The following TRPM2 variants were observed in gnomAD, a reference collection of about 807,000 sequenced individuals.
TRPM2 encodes the protein estrogen-responsive element-associated gene 1 protein.
Under a neutral mutation model 174.0 loss-of-function variants are expected in TRPM2, and 161 were observed. The ratio of observed to expected loss-of-function variants is 0.93; its 90% CI spans 0.81 to 1.05. The LOEUF (loss-of-function observed/expected upper bound fraction) is 1.05. Among genes scored for constraint, TRPM2 ranks in the 50% least tolerant of loss-of-function variants. The probability of loss-of-function intolerance (pLI) is 0.00; values close to 1 mark genes in which losing one functional copy is unlikely to be tolerated. For synonymous variants in TRPM2, 954 were observed against 861.3 expected (o/e 1.11, Z -1.88); for missense variants, 2,057 against 2,038.0 (o/e 1.01, Z -0.18).
intron 9 of TRPM2, among the ~76,000 whole-genome samples, chr21:44,389,048 C>T (rs750284554): frequency 5.3e-5 from 8 of 152,186 alleles, no homozygotes; most frequent in Non-Finnish European, 1.0e-4. Context: ...CTCCCCTATC[C>T]TGAATATTCC....
At chr21:44,397,507 C>T (rs1223416459) in intron 12 of TRPM2, among the ~76,000 whole-genome samples, 1 of 152,200 alleles carries the variant, frequency 6.6e-6, no homozygotes, top group Non-Finnish European at 1.5e-5. Context: ...GTCCGTCAGG[C>T]TTTGCAGGGC....
rs774096195 is a variant in TRPM2, at chr21:44,364,229, A to G, written c.370A>G (p.Thr124Ala). The change falls in exon 3 of 32, where the codon ACC becomes GCC. Residue 124 changes from threonine (T) to alanine (A), a missense_variant. Coordinates refer to ENST00000397928, the MANE Select transcript of TRPM2 (RefSeq NM_003307.4). ...DPKKHVQEMP[T>A]DAFGDIVFTG... ...AAAGAAACATGTCCAGGAGATGCCA[A>G]CCGATGCCTTTGGCGACATCGTCTT... is the stretch of plus-strand genomic sequence containing the variant. 7 of 1,614,246 alleles carry G rather than the reference A, an allele frequency of 4.3e-6. No homozygotes were observed. The highest frequency in any genetic ancestry group is 5.9e-6 in the Non-Finnish European group (7 of 1,180,050).
Position 44,439,694 on chromosome 21 carries a change from C to T in TRPM2, c.4269+526C>T, listed in dbSNP as rs1256042010. Among the ~76,000 whole-genome samples, 1 of 152,186 alleles carries T rather than the reference C, an allele frequency of 6.6e-6. No homozygotes were observed. The highest frequency in any genetic ancestry group is 2.4e-5 in the African/African-American group (1 of 41,456). ...CCTTAGAAAGCCTCCATCTCCAGCTCTCTCACACAAATGCATGCACACTTT... is the reference window on the plus strand; with the variant it reads ...CCTTAGAAAGCCTCCATCTCCAGCTTTCTCACACAAATGCATGCACACTTT... On this transcript the variant is annotated intron_variant, in intron 30 of 31. Coordinates refer to ENST00000397928, the MANE Select transcript of TRPM2 (RefSeq NM_003307.4). The surrounding 1 kb of genome is among the most constrained non-coding windows in gnomAD (Gnocchi z 5.1).
chr21:44,415,526 C>A (rs760807872), intron 20 of TRPM2: 2 of 152,396 alleles, frequency 1.3e-5, no homozygotes, highest in Middle Eastern at 6.8e-3. Context: ...GGGAGGAGCA[C>A]AGCCCTGCCG....
intron 2 of TRPM2, among the ~76,000 whole-genome samples, chr21:44,362,365 A>AAAAAAAAAAAAG (rs1201529326): frequency 6.9e-6 from 1 of 144,300 alleles, no homozygotes; most frequent in Non-Finnish European, 1.5e-5. Flanking sequence ...AAAAAAAAAA[A>AAAAAAAAAAAAG]GCCAGATGTG....
At chr21:44,352,188 T>C (rs1434436434), upstream of TRPM2, among the ~76,000 whole-genome samples, 4 of 152,206 alleles carry the variant, frequency 2.6e-5, no homozygotes, top group Admixed American at 6.5e-5. Flanking sequence ...CGGGGACAGC[T>C]CATGGCCCTG....
Position 44,427,035 on chromosome 21 carries a change from C to T in TRPM2, c.3898C>T (p.Gln1300Ter). 6.2e-7 allele frequency: 1 copy of T among 1,605,946 alleles called. No individual in the cohort carries two copies. The highest frequency in any genetic ancestry group is 8.5e-7 in the Non-Finnish European group (1 of 1,177,176). Residue 1300 changes from glutamine to a stop codon, truncating the protein, a stop_gained, in exon 27 of 32, where the codon CAG becomes TAG. Transcript: ENST00000397928. LOFTEE classifies it high-confidence loss of function. Reference protein sequence around the residue: ...GDTLEPLSTIQYNVVDGLRDR... With the variant: ...GDTLEPLSTI ...CACCCTGGAGCCACTGTCCACGATC[C>T]AGTACAACGTGGTGGATGGCCTGAG...
At chr21:44,413,287 G>T (rs2050166689) in intron 19 of TRPM2, among the ~76,000 whole-genome samples, 1 of 145,100 alleles carries the variant, frequency 6.9e-6, no homozygotes, top group Non-Finnish European at 1.5e-5. Context: ...TGCCCAGGCT[G>T]GAGTGCAATG....
At chr21:44,436,990 A>T in intron 28 of TRPM2, 72 bp from the exon 29 acceptor site, 1 of 1,394,148 alleles carries the variant, frequency 7.2e-7, no homozygotes, top group South Asian at 1.2e-5. Context: ...AGGCAGGGCC[A>T]GCCCCGCCGC....
chr21:44,408,246 C>T (rs751391328), intron 19 of TRPM2, among the ~76,000 whole-genome samples: 3 of 152,082 alleles, frequency 2.0e-5, no homozygotes, highest in African/African-American at 4.8e-5. Context: ...CGCGCAGGGC[C>T]GTTTCCACTT....
rs375351173 is a variant in TRPM2, at chr21:44,395,519, C to T, written c.1900C>T (p.Arg634Cys). 3.3e-5 allele frequency: 53 copies of T among 1,613,050 alleles called. No homozygotes were observed. Among genetic ancestry groups the T allele is most frequent in the African/African-American group, 9.3e-5 (7 of 75,042 alleles). The change falls in exon 12 of 32, where the codon CGT (arginine) becomes TGT (cysteine). Residue 634 changes from arginine (R) to cysteine (C), a missense_variant. Arg to Cys is a radical substitution (Grantham distance 180, BLOSUM62 -3). Transcript: ENST00000397928. ...DLLIWAIVQN[R>C]RELAGIIWAQ... ...TCTCATTTGGGCCATTGTCCAGAACCGTCGGGAGCTGGCAGGAATCATCTG... is the reference window on the plus strand; with the variant it reads ...TCTCATTTGGGCCATTGTCCAGAACTGTCGGGAGCTGGCAGGAATCATCTG...
Position 44,438,258 on chromosome 21 carries a change from T to C in TRPM2, c.4168-809T>C, listed in dbSNP as rs8131919. Among the ~76,000 whole-genome samples the C allele has an allele frequency of 0.74, 112,223 of 152,172 alleles. 42,801 individuals are homozygous for C. The highest frequency in any genetic ancestry group is 0.86 in the East Asian group (4,450 of 5,154). The stretch of plus-strand genomic sequence containing the variant: ...AGTAGCTTCTCTGCCTGTGCACACC[T>C]GGCCCTGGAACACGAGTCACCCTCC... On this transcript the variant is annotated intron_variant, in intron 29 of 31. Transcript: ENST00000397928. This position sits in a 1 kb window ranked among gnomAD's most constrained non-coding sequence, Gnocchi z 5.9.
At chr21:44,379,668 TG>T (rs2048818659) in intron 8 of TRPM2, among the ~76,000 whole-genome samples, 1 of 152,112 alleles carries the variant, frequency 6.6e-6, no homozygotes, top group Non-Finnish European at 1.5e-5. Context: ...GGGTAGATTT[TG>T]GGTGGCCCCT....
chr21:44,350,343 G>T, upstream of TRPM2: 2 of 150,838 alleles, frequency 1.3e-5, no homozygotes, highest in South Asian at 3.8e-4. Context: ...GCCGTCCCGG[G>T]AGCTTGTGAA....
chr21:44,369,076 G>T, intron 4 of TRPM2, 101 bp from the exon 5 acceptor site: 1 of 1,263,682 alleles, frequency 7.9e-7, no homozygotes, highest in Non-Finnish European at 1.1e-6. Context: ...CGTTGTTGGG[G>T]GCGGGGCATC....
Position 44,369,291 on chromosome 21 carries a change from G to A in TRPM2, c.719G>A (p.Gly240Glu). ...AAGGAAGGCGAGCTCATCACCATCG[G>A]AGTCGCCACCTGGGGCACTGTCCAC... The part of the protein sequence containing the change: ...SYKEGELITI[G>E]VATWGTVHRR... Residue 240 changes from glycine to glutamate, a missense_variant, in exon 5 of 32, where the codon GGA (glycine) becomes GAA (glutamate). By Grantham distance (98) the Gly-to-Glu change is moderately conservative. Transcript: ENST00000397928. The A allele has an allele frequency of 6.2e-7, 1 of 1,613,778 alleles. No individual in the cohort carries two copies. Among genetic ancestry groups the A allele is most frequent in the South Asian group, 1.1e-5 (1 of 91,074 alleles).
At chr21:44,371,190 C>T (rs2048530275) in intron 5 of TRPM2, among the ~76,000 whole-genome samples, 1 of 152,168 alleles carries the variant, frequency 6.6e-6, no homozygotes, top group Non-Finnish European at 1.5e-5. Flanking sequence ...CATTCCCTGG[C>T]CAGTGGCCAC....
intron 16 of TRPM2, among the ~76,000 whole-genome samples, chr21:44,404,592 G>T (rs1421317916): frequency 2.6e-5 from 4 of 152,200 alleles, no homozygotes; most frequent in Admixed American, 2.6e-4. Flanking sequence ...GTTCGGATTT[G>T]CTGACCGTGA....
chr21:44,426,623 G>T, intron 25 of TRPM2, 37 bp from the exon 26 acceptor site: 1 of 1,610,838 alleles, frequency 6.2e-7, no homozygotes, highest in East Asian at 2.2e-5. Flanking sequence ...TGCAGTGGGG[G>T]TAAAAATCTG....
Sources: gnomAD v4.1 joint callset for allele counts (sites outside exome capture counted in the v4.1 genomes callset) on GRCh38, gnomAD v4.1.1 for gene constraint, Gnocchi (gnomAD v3.1) non-coding constraint, MANE v1.5 for transcripts, NCBI Gene and HGNC (gene_info 2026-07-23, HGNC 2026-07-21) for gene names.